Variants in RBMS1 observed in about 807,000 individuals in gnomAD.
The protein encoded by RBMS1 is RNA-binding motif, single-stranded-interacting protein 1.
A neutral mutation model predicts 62.3 loss-of-function variants in RBMS1; 17 were observed. The observed-to-expected ratio is 0.27, with a 90% CI of 0.19 to 0.41. The LOEUF (loss-of-function observed/expected upper bound fraction) is 0.41. RBMS1 is among the 10% of genes least tolerant of loss of function. The pLI, the probability that RBMS1 is intolerant of heterozygous loss-of-function variation, is 1.00. For missense variants in RBMS1, 334 were observed against 504.5 expected (o/e 0.66, Z 3.24); for synonymous variants, 172 against 170.0 (o/e 1.01, Z -0.09).
At chr2:160,426,266 AAAG>A (rs1316871603) in intron 1 of RBMS1, among the ~76,000 whole-genome samples, 23 of 126,646 alleles carry the variant, frequency 1.8e-4, no homozygotes, top group South Asian at 2.7e-4. Flanking sequence ...AGAAAGAAAG[AAAG>A]AAAGAAAGAA....
chr2:160,441,404 C>G (rs1045153580), intron 1 of RBMS1, among the ~76,000 whole-genome samples: 1 of 152,026 alleles, frequency 6.6e-6, no homozygotes, highest in Non-Finnish European at 1.5e-5. Flanking sequence ...CTGGGTCATA[C>G]CAGGTAAATG....
At chr2:160,277,005 G>A (rs1014191551) in intron 12 of RBMS1, among the ~76,000 whole-genome samples, 2 of 152,138 alleles carry the variant, frequency 1.3e-5, no homozygotes, top group Non-Finnish European at 2.9e-5. Context: ...ATACTCCTGA[G>A]TAGCTGGGAC....
intron 6 of RBMS1, among the ~76,000 whole-genome samples, chr2:160,299,058 T>C (rs1453454606): frequency 5.9e-5 from 9 of 152,156 alleles, no homozygotes; most frequent in Non-Finnish European, 1.0e-4. Flanking sequence ...ACACTAAATT[T>C]CTATTGTTTA....
intron 1 of RBMS1, among the ~76,000 whole-genome samples, chr2:160,426,868 T>C (rs957754949): frequency 2.6e-5 from 4 of 152,122 alleles, no homozygotes; most frequent in Admixed American, 2.6e-4. Context: ...GGGAAAAGAA[T>C]GTAAGAAGAC....
chr2:160,300,295 T>C (rs1689140845), intron 6 of RBMS1, among the ~76,000 whole-genome samples: 1 of 152,110 alleles, frequency 6.6e-6, no homozygotes, highest in Non-Finnish European at 1.5e-5. Context: ...GGAACTGAGG[T>C]CTAGGCACTG....
chr2:160,349,888 A>G (rs778624629), intron 2 of RBMS1, among the ~76,000 whole-genome samples: 9 of 151,720 alleles, frequency 5.9e-5, no homozygotes, highest in Non-Finnish European at 2.9e-5. Context: ...GCAGATTACA[A>G]TTTTTTAAAG....
chr2:160,313,103 G>C (rs892377115), intron 4 of RBMS1, 53 bp downstream of exon 4: 7 of 1,547,416 alleles, frequency 4.5e-6, no homozygotes, highest in East Asian at 2.3e-5. Flanking sequence ...GACCTGTCGG[G>C]CTTCACAACC....
intron 1 of RBMS1, among the ~76,000 whole-genome samples, chr2:160,389,322 G>T (rs1694737803): frequency 6.6e-6 from 1 of 152,200 alleles, no homozygotes; most frequent in African/African-American, 2.4e-5. Flanking sequence ...AAATGCTATT[G>T]TTACAAAGAG....
chr2:160,407,810 G>A lies in RBMS1; in HGVS notation c.76-40419C>T, dbSNP rs1048377314. ...CCCTGCGTGCCATGGACGGGAGTTC[G>A]CGCGCGGAGCTGGCGGCGTCGCCGA... On this transcript the variant is annotated intron_variant, in intron 1 of 13. Transcript: ENST00000348849. 5.1e-6 allele frequency: 5 copies of A among 981,138 alleles called. No homozygotes were observed. The African/African-American group carries it at 8.8e-5, about 17-fold the overall frequency. The allele number at this position is 981,138 out of a possible 1,614,324, so 60.8% of individuals were successfully genotyped here. A position where few individuals can be genotyped will look rare whatever the true frequency, so the allele number is the denominator to read the frequency against.
chr2:160,310,793 T>C (rs957114164), intron 4 of RBMS1, among the ~76,000 whole-genome samples: 2 of 152,080 alleles, frequency 1.3e-5, no homozygotes, highest in African/African-American at 4.8e-5. Context: ...TTATGCAACA[T>C]AGGTATCACA....
At chr2:160,412,937 C>A (rs560181761) in intron 1 of RBMS1, among the ~76,000 whole-genome samples, 2 of 152,088 alleles carry the variant, frequency 1.3e-5, no homozygotes, top group Admixed American at 6.5e-5. Flanking sequence ...CACATATTAC[C>A]GAGCCCCACA....
chr2:160,392,473 A>T (rs900376206), intron 1 of RBMS1, among the ~76,000 whole-genome samples: 1 of 151,752 alleles, frequency 6.6e-6, no homozygotes, highest in African/African-American at 2.4e-5. Flanking sequence ...AAAAAAAAAA[A>T]CCCTGATCCC....
At chr2:160,465,697 TCTC>T (rs1480897077) in intron 1 of RBMS1, among the ~76,000 whole-genome samples, 1 of 152,132 alleles carries the variant, frequency 6.6e-6, no homozygotes. Flanking sequence ...TCCTGAGTGT[TCTC>T]AACAGTTACC....
At chr2:160,350,816 G>A (rs1344899208) in intron 2 of RBMS1, among the ~76,000 whole-genome samples, 3 of 152,106 alleles carry the variant, frequency 2.0e-5, no homozygotes, top group Admixed American at 6.6e-5. Flanking sequence ...ATAAACAAAC[G>A]TGTGCATGTG....
rs766622030 is a variant in RBMS1 at position 160,277,333 on chromosome 2, T to C, written c.1113A>G (p.Ala371=). The part of the protein sequence containing the change: ...AMQGAYLPQY[A]HMQTTAVPVE... ...CAGGAACCGCTGTCGTCTGCATATG[T>C]GCATACTGTGGCAAGTAGGCTCCTT... is the stretch of plus-strand genomic sequence containing the variant. The change falls in exon 12 of 14, where the codon GCA becomes GCG. Residue 371 remains alanine (A), a synonymous_variant. Coordinates refer to ENST00000348849, the MANE Select transcript of RBMS1 (RefSeq NM_016836.4). 2 of 1,613,446 alleles carry C rather than the reference T, an allele frequency of 1.2e-6. No homozygotes were observed. Among genetic ancestry groups the C allele is most frequent in the African/African-American group, 2.7e-5 (2 of 74,918 alleles).
chr2:160,379,037 T>C (rs1434185935), intron 1 of RBMS1, among the ~76,000 whole-genome samples: 2 of 152,104 alleles, frequency 1.3e-5, no homozygotes, highest in East Asian at 3.9e-4. Flanking sequence ...ATGGGCAACA[T>C]GGCAAAACCC....
intron 1 of RBMS1, among the ~76,000 whole-genome samples, chr2:160,378,940 C>T (rs1394174551): frequency 2.0e-5 from 3 of 152,196 alleles, no homozygotes; most frequent in Non-Finnish European, 4.4e-5. Flanking sequence ...TTAATGTGGG[C>T]CGGACGTGGT....
At chr2:160,407,957 C>T (rs1695850213) in intron 1 of RBMS1, 2 of 974,330 alleles carry the variant, frequency 2.1e-6, no homozygotes. Context: ...TCGCGCCGCG[C>T]CCAGGCCCAC....
chr2:160,400,929 C>A (rs1177950627), intron 1 of RBMS1, among the ~76,000 whole-genome samples: 4 of 152,106 alleles, frequency 2.6e-5, no homozygotes, highest in South Asian at 4.1e-4. Context: ...AAAATGAATT[C>A]TTTGCAATTT....
Sources: allele counts gnomAD v4.1 joint callset (sites outside exome capture counted in the v4.1 genomes callset), GRCh38; gene constraint gnomAD v4.1.1; transcripts MANE v1.5; gene names NCBI Gene and HGNC (gene_info 2026-07-23, HGNC 2026-07-21).